The following CACNA2D4 variants were observed in gnomAD, a reference collection of about 807,000 sequenced individuals.
CACNA2D4 encodes the protein voltage-dependent calcium channel subunit alpha-2/delta-4.
CACNA2D4 carries 157 observed loss-of-function variants against 163.8 expected under a neutral mutation model. That is an observed-to-expected ratio of 0.96 (90% CI 0.84 to 1.09). The LOEUF (loss-of-function observed/expected upper bound fraction) is 1.09. Among genes scored for constraint, CACNA2D4 ranks in the 50% least tolerant of loss-of-function variants. The probability of loss-of-function intolerance (pLI) is 0.00; values close to 1 mark genes in which losing one functional copy is unlikely to be tolerated. For missense variants in CACNA2D4, 1,410 were observed against 1,479.9 expected (o/e 0.95, Z 0.78); for synonymous variants, 598 against 586.9 (o/e 1.02, Z -0.27).
chr12:1,827,896 C>T (rs1010169869), intron 26 of CACNA2D4: 3 of 401,868 alleles, frequency 7.5e-6, no homozygotes, highest in Non-Finnish European at 1.3e-5. Flanking sequence ...CTGCCCCGCC[C>T]CCATCCCAGG....
rs534113243 is a variant in CACNA2D4, at chr12:1,909,952, G to A, written c.440C>T (p.Ala147Val). Residue 147 changes from alanine (A) to valine (V), a missense_variant, in exon 4 of 38, where the codon GCT becomes GTT. Ala to Val is a moderately conservative substitution (Grantham distance 64). Transcript: ENST00000382722. ...GTGGTTCAGGTCGGCCTCCTCGGCA[G>A]CTTCCACCAGATTCTGAGGGATGGG... ...KVEAVQNLVEAAEEADLNHEF... is the reference protein window; with the variant it reads ...KVEAVQNLVEVAEEADLNHEF... 5.0e-6 allele frequency: 8 copies of A among 1,613,764 alleles called. No homozygotes were observed. The highest frequency in any genetic ancestry group is 4.0e-5 in the African/African-American group (3 of 75,052).
rs145297624 is a variant in CACNA2D4 at position 1,878,745 on chromosome 12, G to A, written c.1644+211C>T. On this transcript the variant is annotated intron_variant, in intron 15 of 37. Coordinates refer to ENST00000382722, the MANE Select transcript of CACNA2D4 (RefSeq NM_172364.5). This position sits in a 1 kb window ranked among gnomAD's most constrained non-coding sequence, Gnocchi z 4.6. Reference sequence around the variant, plus strand: ...TGGGCAGGGAAAGGACTTACTGAAGGCCACAGAGCAAGTCATAGTTCGTGG... The same window carrying A: ...TGGGCAGGGAAAGGACTTACTGAAGACCACAGAGCAAGTCATAGTTCGTGG... 5.4e-4 allele frequency among the ~76,000 whole-genome samples: 82 copies of A among 152,326 alleles called. No homozygotes were observed. The highest frequency in any genetic ancestry group is 1.1e-3 in the Non-Finnish European group (72 of 68,028).
chr12:1,879,325 G>A (rs1300701954), intron 14 of CACNA2D4, among the ~76,000 whole-genome samples: 7 of 152,126 alleles, frequency 4.6e-5, no homozygotes, highest in Admixed American at 2.0e-4. Context: ...GGCACAGGGC[G>A]AAGTTATCGG....
chr12:1,809,747 C>A (rs1265472519), intron 29 of CACNA2D4, among the ~76,000 whole-genome samples: 1 of 152,232 alleles, frequency 6.6e-6, no homozygotes, highest in Non-Finnish European at 1.5e-5. Flanking sequence ...AGCATCGCGT[C>A]CATCCCCCAT....
rs536502830 is a variant in CACNA2D4 at position 1,799,318 on chromosome 12, G to T, written c.2995+357C>A. 6.6e-6 allele frequency among the ~76,000 whole-genome samples: 1 copy of T among 152,182 alleles called. No homozygotes were observed. The highest frequency in any genetic ancestry group is 1.5e-5 in the Non-Finnish European group (1 of 68,028). The stretch of plus-strand genomic sequence containing the variant: ...TGGGGCCCCTGGAACCCGGAGTCCC[G>T]CTGAGGGCTGGGGTGCCGCTGTTTG... On this transcript the variant is annotated intron_variant, in intron 34 of 37. Coordinates refer to ENST00000382722, the MANE Select transcript of CACNA2D4 (RefSeq NM_172364.5). This position sits in a 1 kb window ranked among gnomAD's most constrained non-coding sequence, Gnocchi z 4.7.
rs1367125968 is a variant in CACNA2D4 at position 1,884,068 on chromosome 12, G to T, written c.1351+175C>A. On this transcript the variant is annotated intron_variant, in intron 12 of 37. Transcript: ENST00000382722. ...GCAGGATGGAGACAGAGCTGACATT[G>T]TCTCACCTTGCTTTTTCCAAATATG... 6.9e-6 allele frequency: 4 copies of T among 578,452 alleles called. No individual in the cohort carries two copies. In the East Asian group the frequency reaches 1.1e-4, roughly 16 times the overall value. 35.8% of individuals were successfully genotyped at this position (578,452 alleles called of 1,614,324 possible). A position where few individuals can be genotyped will look rare whatever the true frequency, so the allele number is the denominator to read the frequency against.
intron 36 of CACNA2D4, 39 bp downstream of exon 36, chr12:1,795,629 C>T (rs1376880646): frequency 7.1e-7 from 1 of 1,406,618 alleles, no homozygotes; most frequent in South Asian, 1.2e-5. Context: ...CCTACAGCCC[C>T]CGCCCCCACC....
intron 19 of CACNA2D4, among the ~76,000 whole-genome samples, 184 bp downstream of exon 19, chr12:1,859,961 C>G (rs532071830): frequency 6.6e-6 from 1 of 152,212 alleles, no homozygotes; most frequent in African/African-American, 2.4e-5. Context: ...CTGGGGTTCA[C>G]GTCCAGGCAG....
intron 10 of CACNA2D4, 52 bp downstream of exon 10, chr12:1,884,935 C>T (rs767529058): frequency 1.3e-4 from 210 of 1,602,720 alleles, no homozygotes; most frequent in Non-Finnish European, 1.6e-4. Flanking sequence ...CCCCCCTCCA[C>T]CTGCCGCCTT....
At chr12:1,864,198 A>G (rs1296563856) in intron 18 of CACNA2D4, among the ~76,000 whole-genome samples, 1 of 152,222 alleles carries the variant, frequency 6.6e-6, no homozygotes, top group Admixed American at 6.5e-5. Flanking sequence ...TCAGGCTCCT[A>G]AGCGTGAAGG....
At chr12:1,879,746 G>A (rs73032440) in intron 14 of CACNA2D4, 58 bp downstream of exon 14, 118,519 of 1,338,064 alleles carry the variant, frequency 0.089, 5,826 homozygotes, top group Non-Finnish European at 0.098. Context: ...GTCTAAAGAT[G>A]GCACTGAAGC....
At chr12:1,819,204 G>A (rs1459319810) in intron 26 of CACNA2D4, among the ~76,000 whole-genome samples, 1 of 152,130 alleles carries the variant, frequency 6.6e-6, no homozygotes, top group East Asian at 1.9e-4. Flanking sequence ...GCCCAGGGAA[G>A]AACACGCTTT....
At chr12:1,826,064 A>G (rs2154446713) in intron 26 of CACNA2D4, among the ~76,000 whole-genome samples, 1 of 152,278 alleles carries the variant, frequency 6.6e-6, no homozygotes, top group Non-Finnish European at 1.5e-5. Flanking sequence ...CGGGGTGCTC[A>G]GGAATGAGAA....
chr12:1,845,380 G>T (rs1865121692), intron 24 of CACNA2D4, among the ~76,000 whole-genome samples: 1 of 144,224 alleles, frequency 6.9e-6, no homozygotes. Flanking sequence ...CCTCCGCAGG[G>T]ATGGGTGGGG....
chr12:1,806,192 G>C lies in CACNA2D4; in HGVS notation c.2721+4086C>G, dbSNP rs936780368. On this transcript the variant is annotated intron_variant, in intron 29 of 37. Coordinates refer to ENST00000382722, the MANE Select transcript of CACNA2D4 (RefSeq NM_172364.5). This position sits in a 1 kb window ranked among gnomAD's most constrained non-coding sequence, Gnocchi z 4.1. Reference sequence around the variant, plus strand: ...GCCCAGAAGCAAATGACAGGAATCGGAGTCCCCAGATTCAGGGTGACAGAT... The same window carrying C: ...GCCCAGAAGCAAATGACAGGAATCGCAGTCCCCAGATTCAGGGTGACAGAT... Among the ~76,000 whole-genome samples the C allele has an allele frequency of 6.6e-6, 1 of 152,140 alleles. No homozygotes were observed. Among genetic ancestry groups the C allele is most frequent in the Non-Finnish European group, 1.5e-5 (1 of 68,012 alleles).
intron 23 of CACNA2D4, among the ~76,000 whole-genome samples, chr12:1,849,963 T>A (rs1399412443): frequency 6.6e-6 from 1 of 152,218 alleles, no homozygotes; most frequent in Admixed American, 6.5e-5. Flanking sequence ...TTTATGTAAC[T>A]AGGCTCCCAC....
chr12:1,858,821 G>A (rs1386086181), intron 19 of CACNA2D4, among the ~76,000 whole-genome samples, 177 bp from the exon 20 acceptor site: 2 of 152,152 alleles, frequency 1.3e-5, no homozygotes, highest in Non-Finnish European at 2.9e-5. Flanking sequence ...CCTCCAGAAC[G>A]GAGGCGGTGC....
Position 1,828,926 on chromosome 12 carries a change from T to C in CACNA2D4, c.2551+11813A>G, listed in dbSNP as rs113328640. 2.4e-4 allele frequency among the ~76,000 whole-genome samples: 36 copies of C among 152,362 alleles called. No homozygotes were observed. Among genetic ancestry groups the C allele is most frequent in the African/African-American group, 8.4e-4 (35 of 41,596 alleles). ...GGGACCAGGTCAGCAAGGGCTGGTC[T>C]GCCCAAGGCTACACGGTGGCAGGGA... On this transcript the variant is annotated intron_variant, in intron 26 of 37. Transcript: ENST00000382722. This position sits in a 1 kb window ranked among gnomAD's most constrained non-coding sequence, Gnocchi z 4.2.
chr12:1,813,460 CA>C (rs1863776884), intron 26 of CACNA2D4, among the ~76,000 whole-genome samples: 1 of 152,236 alleles, frequency 6.6e-6, no homozygotes, highest in Non-Finnish European at 1.5e-5. Context: ...CCAACAGCCA[CA>C]CGTGGCTACT....
Sources: gnomAD v4.1 joint callset for allele counts (sites outside exome capture counted in the v4.1 genomes callset) on GRCh38, gnomAD v4.1.1 for gene constraint, Gnocchi (gnomAD v3.1) non-coding constraint, MANE v1.5 for transcripts, NCBI Gene and HGNC (gene_info 2026-07-23, HGNC 2026-07-21) for gene names.